GPR35: variants seen among roughly 807,000 people sequenced by gnomAD.
GPR35 encodes the protein G protein-coupled receptor 35.
For synonymous variants in GPR35, 207 were observed against 198.4 expected, an observed-to-expected ratio of 1.04 and a Z score of -0.36; for missense variants, 372 against 422.5, an observed-to-expected ratio of 0.88 and a Z score of 1.05.
chr2:240,618,926 C>G, exon 5 of GPR35: 1 of 701,658 alleles, frequency 1.4e-6, no homozygotes, highest in Non-Finnish European at 2.6e-6. Flanking sequence ...TTCATTCAAC[C>G]TGGGCCCTTG....
intron 1 of GPR35, among the ~76,000 whole-genome samples, chr2:240,626,531 C>T (rs1414415499): frequency 6.6e-6 from 1 of 152,032 alleles, no homozygotes; most frequent in Non-Finnish European, 1.5e-5. Context: ...CTGATGAAGA[C>T]TTGGAGCCTG....
upstream of GPR35, among the ~76,000 whole-genome samples, chr2:240,624,875 T>G (rs1303541195): frequency 1.7e-4 from 14 of 82,376 alleles, no homozygotes; most frequent in South Asian, 3.7e-4. Flanking sequence ...TCTGAGGGGG[T>G]GGGCTTGGAG....
intron 2 of GPR35, among the ~76,000 whole-genome samples, chr2:240,609,220 ACT>A (rs1018484001): frequency 3.0e-5 from 4 of 134,066 alleles, no homozygotes; most frequent in African/African-American, 1.1e-4. Flanking sequence ...TCAAATTTTC[ACT>A]CTTTCTTATT....
upstream of GPR35, among the ~76,000 whole-genome samples, chr2:240,624,288 T>C (rs1419786912): frequency 6.6e-6 from 1 of 151,872 alleles, no homozygotes; most frequent in African/African-American, 2.4e-5. Context: ...ATGAACATCA[T>C]GGCCCATGGA....
chr2:240,617,023 A>G (rs2043246660), intron 3 of GPR35: 1 of 750,640 alleles, frequency 1.3e-6, no homozygotes, highest in Non-Finnish European at 2.5e-6. Flanking sequence ...GAGCCTTCTG[A>G]TGAGACTGCA....
chr2:240,620,906 A>G (rs1346344929), upstream of GPR35, among the ~76,000 whole-genome samples: 1 of 152,232 alleles, frequency 6.6e-6, no homozygotes, highest in African/African-American at 2.4e-5. Context: ...GGCATCTAGG[A>G]CAGAGACCCT....
chr2:240,611,100 G>GT lies in GPR35; in HGVS notation c.-577+4495dup, dbSNP rs570734869. ...GGTGCGTGCCACTACGCCCAGCTGT[G>GT]TTTTTTTGTTTGTTTGTTTTTGTTT... is the stretch of plus-strand genomic sequence containing the variant. On this transcript the variant is annotated intron_variant, in intron 2 of 5. Coordinates refer to the GPR35 transcript ENST00000319838. 3.9e-5 allele frequency among the ~76,000 whole-genome samples: 6 copies of GT among 151,988 alleles called. No homozygotes were observed. The South Asian group carries it at 1.0e-3, about 26-fold the overall frequency.
upstream of GPR35, among the ~76,000 whole-genome samples, chr2:240,621,828 T>C (rs1050788447): frequency 6.6e-6 from 1 of 152,228 alleles, no homozygotes; most frequent in African/African-American, 2.4e-5. Flanking sequence ...CTCGTCTGTG[T>C]AAAGACTAAG....
upstream of GPR35, among the ~76,000 whole-genome samples, chr2:240,623,346 GGC>G (rs1559437526): frequency 2.8e-5 from 4 of 142,236 alleles, no homozygotes; most frequent in African/African-American, 7.6e-5. Flanking sequence ...AGGTCGTGAG[GGC>G]GCAAACAGGT....
chr2:240,622,455 C>T (rs74576632), upstream of GPR35, among the ~76,000 whole-genome samples: 4,723 of 152,292 alleles, frequency 0.031, 118 homozygotes, highest in Non-Finnish European at 0.044. Flanking sequence ...TTTGGCTTCC[C>T]CGGGCCGCAT....
At chr2:240,625,152 A>G (rs1432286136), upstream of GPR35, 1 of 566,304 alleles carries the variant, frequency 1.8e-6, no homozygotes, top group Non-Finnish European at 2.2e-6. Flanking sequence ...GGTTTCCGAG[A>G]TGACAGGGCA....
At chr2:240,616,356 C>T (rs1464775382) in intron 2 of GPR35, 1 of 741,834 alleles carries the variant, frequency 1.3e-6, no homozygotes, top group Non-Finnish European at 2.5e-6. Flanking sequence ...TAGTTGGCAG[C>T]TTCCTCCTCC....
chr2:240,623,673 C>T (rs964532662), upstream of GPR35, among the ~76,000 whole-genome samples: 3 of 151,910 alleles, frequency 2.0e-5, no homozygotes, highest in African/African-American at 7.3e-5. Flanking sequence ...GAAGTGCCTG[C>T]GGAGACAGCC....
chr2:240,629,812 A>G, intron 1 of GPR35, 137 bp from the exon 2 acceptor site: 1 of 694,464 alleles, frequency 1.4e-6, no homozygotes, highest in Non-Finnish European at 2.4e-6. Context: ...GCTTTCTTTG[A>G]GGAGTTTTGT....
At chr2:240,625,849 G>A (rs2043367144) in intron 1 of GPR35, among the ~76,000 whole-genome samples, 1 of 133,272 alleles carries the variant, frequency 7.5e-6, no homozygotes, top group Admixed American at 7.3e-5. Flanking sequence ...GTGGGGTGAG[G>A]CTGTGATGGG....
At chr2:240,608,076 G>A (rs1462832367) in intron 2 of GPR35, among the ~76,000 whole-genome samples, 5 of 152,208 alleles carry the variant, frequency 3.3e-5, no homozygotes, top group Middle Eastern at 3.4e-3. Flanking sequence ...ATGTTTTGTA[G>A]AGATTGGGTC....
chr2:240,619,083 C>T (rs928750776), intron 5 of GPR35: 20 of 689,344 alleles, frequency 2.9e-5, no homozygotes, highest in Non-Finnish European at 4.2e-5. Context: ...AAATGCATCT[C>T]TAATTTGGCT....
upstream of GPR35, among the ~76,000 whole-genome samples, chr2:240,624,072 C>T (rs1444063722): frequency 2.6e-5 from 4 of 152,058 alleles, no homozygotes; most frequent in Non-Finnish European, 5.9e-5. Flanking sequence ...CTGCTTGGGG[C>T]ACCATCTGAT....
upstream of GPR35, among the ~76,000 whole-genome samples, chr2:240,621,983 C>T (rs1001071223): frequency 6.6e-6 from 1 of 152,160 alleles, no homozygotes; most frequent in African/African-American, 2.4e-5. Flanking sequence ...GGTGCTCCTC[C>T]CGCCTTAGCC....
Sources: gnomAD v4.1 joint callset for allele counts (sites outside exome capture counted in the v4.1 genomes callset) on GRCh38, gnomAD v4.1.1 for gene constraint, MANE v1.5 for transcripts, NCBI Gene and HGNC (gene_info 2026-07-23, HGNC 2026-07-21) for gene names.